SPIDR: variants seen among roughly 807,000 people sequenced by gnomAD.
SPIDR encodes scaffold protein involved in DNA repair, also known as DNA repair-scaffolding protein.
SPIDR carries 93 observed loss-of-function variants against 104.6 expected under a neutral mutation model. The observed-to-expected ratio is 0.89, with a 90% CI of 0.75 to 1.06. The LOEUF is 1.06. Among genes scored for constraint, SPIDR ranks in the 50% least tolerant of loss-of-function variants. The pLI is 0.00. For missense variants in SPIDR, 1,154 were observed against 1,111.2 expected (o/e 1.04, Z -0.55); for synonymous variants, 431 against 416.9 (o/e 1.03, Z -0.41).
At chr8:47,270,084 A>G (rs1485818523) in intron 1 of SPIDR, among the ~76,000 whole-genome samples, 2 of 152,274 alleles carry the variant, frequency 1.3e-5, no homozygotes, top group Admixed American at 6.5e-5. Flanking sequence ...TTTTGCATCT[A>G]TATTCATAAA....
Position 47,499,220 on chromosome 8 carries a change from G to C in SPIDR, c.1097+58678G>C, listed in dbSNP as rs564414198. ...GTACGTAACACATTGCTTGATGCAT[G>C]GTTCTTGGCTGTACTGCACTGACAT... On this transcript the variant is annotated intron_variant, in intron 8 of 19. Coordinates refer to ENST00000297423, the MANE Select transcript of SPIDR (RefSeq NM_001080394.4). Among the ~76,000 whole-genome samples, 7 of 152,286 alleles carry C rather than the reference G, an allele frequency of 4.6e-5. No homozygotes were observed. In the South Asian group the frequency reaches 1.5e-3, roughly 32 times the overall value.
At chr8:47,708,415 C>T (rs1230792755) in intron 14 of SPIDR, among the ~76,000 whole-genome samples, 2 of 152,140 alleles carry the variant, frequency 1.3e-5, no homozygotes, top group Non-Finnish European at 2.9e-5. Flanking sequence ...GAGGAAGGTA[C>T]AGAGATTTTC....
At chr8:47,552,355 A>G (rs928524023) in intron 8 of SPIDR, among the ~76,000 whole-genome samples, 5 of 152,136 alleles carry the variant, frequency 3.3e-5, no homozygotes, top group African/African-American at 1.2e-4. Flanking sequence ...TGATCTGTCT[A>G]ATATTTACAG....
intron 5 of SPIDR, among the ~76,000 whole-genome samples, chr8:47,330,292 T>G (rs2048437853): frequency 6.6e-6 from 1 of 152,144 alleles, no homozygotes; most frequent in Admixed American, 6.6e-5. Context: ...ATGCATAGCT[T>G]TCCTATTATC....
chr8:47,377,722 T>C (rs2058827986), intron 5 of SPIDR, among the ~76,000 whole-genome samples: 1 of 151,702 alleles, frequency 6.6e-6, no homozygotes. Context: ...GGTCAAGGTT[T>C]CAAGCATGCA....
Position 47,728,989 on chromosome 8 carries a change from G to A in SPIDR, c.2492G>A (p.Arg831Lys), listed in dbSNP as rs747603020. The A allele has an allele frequency of 6.2e-7, 1 of 1,613,990 alleles. No homozygotes were observed. The highest frequency in any genetic ancestry group is 8.5e-7 in the Non-Finnish European group (1 of 1,180,042). Reference sequence around the variant, plus strand: ...GTGGTCACATCTCCTGTTCTCAAGAGGCACCTGCAGGTCTTCCTGGACTGC... The same window carrying A: ...GTGGTCACATCTCCTGTTCTCAAGAAGCACCTGCAGGTCTTCCTGGACTGC... ...SRVVTSPVLK[R>K]HLQVFLDCRS... Residue 831 changes from arginine to lysine, a missense_variant, in exon 18 of 20, where the codon AGG becomes AAG. Coordinates refer to ENST00000297423, the MANE Select transcript of SPIDR (RefSeq NM_001080394.4).
At chr8:47,261,414 T>C (rs1240956436) in intron 1 of SPIDR, among the ~76,000 whole-genome samples, 1 of 152,116 alleles carries the variant, frequency 6.6e-6, no homozygotes, top group East Asian at 1.9e-4. Context: ...CCTGCCGCAC[T>C]CGGAGGGGAC....
chr8:47,698,936 A>G (rs552170332), intron 11 of SPIDR, among the ~76,000 whole-genome samples: 26 of 152,336 alleles, frequency 1.7e-4, no homozygotes, highest in Non-Finnish European at 2.8e-4. Flanking sequence ...TACACTTCGC[A>G]GAACACTTTT....
intron 8 of SPIDR, among the ~76,000 whole-genome samples, chr8:47,483,366 AG>A (rs1288242772): frequency 6.6e-6 from 1 of 152,212 alleles, no homozygotes; most frequent in Non-Finnish European, 1.5e-5. Flanking sequence ...TGGCAGCCCA[AG>A]AGGTAAGATA....
chr8:47,366,444 A>C (rs2057226752), intron 5 of SPIDR, among the ~76,000 whole-genome samples: 1 of 152,082 alleles, frequency 6.6e-6, no homozygotes, highest in Non-Finnish European at 1.5e-5. Flanking sequence ...AAGGCTGTGC[A>C]CAGACAGAAA....
intron 5 of SPIDR, among the ~76,000 whole-genome samples, chr8:47,294,740 C>G (rs1434603865): frequency 3.3e-5 from 5 of 152,222 alleles, no homozygotes; most frequent in African/African-American, 1.2e-4. Flanking sequence ...AAGTGATCCT[C>G]TCACCTCAGC....
intron 5 of SPIDR, among the ~76,000 whole-genome samples, chr8:47,341,067 C>T (rs1454314604): frequency 6.6e-6 from 1 of 152,170 alleles, no homozygotes; most frequent in Non-Finnish European, 1.5e-5. Context: ...GGGGGATGCC[C>T]GTTCCTGAGA....
chr8:47,618,732 A>G (rs971046069), intron 10 of SPIDR, among the ~76,000 whole-genome samples: 1 of 152,168 alleles, frequency 6.6e-6, no homozygotes, highest in African/African-American at 2.4e-5. Flanking sequence ...ATCGTTTTTT[A>G]GTTCCATTGG....
chr8:47,321,550 C>T (rs557080525), intron 5 of SPIDR, among the ~76,000 whole-genome samples: 1 of 152,268 alleles, frequency 6.6e-6, no homozygotes, highest in African/African-American at 2.4e-5. Context: ...GTGCGATCCC[C>T]ATCAAGCTAC....
chr8:47,342,162 T>C (rs1425243834), intron 5 of SPIDR, among the ~76,000 whole-genome samples: 1 of 152,016 alleles, frequency 6.6e-6, no homozygotes, highest in Non-Finnish European at 1.5e-5. Context: ...TTGTTTATCG[T>C]CATATGGAAT....
chr8:47,435,222 A>G (rs2068069458), intron 7 of SPIDR, among the ~76,000 whole-genome samples: 1 of 150,062 alleles, frequency 6.7e-6, no homozygotes, highest in Non-Finnish European at 1.5e-5. Context: ...CTGGTCTTGA[A>G]CTCCTGGCCT....
At chr8:47,652,496 C>G (rs1375620411) in intron 10 of SPIDR, among the ~76,000 whole-genome samples, 1 of 152,204 alleles carries the variant, frequency 6.6e-6, no homozygotes, top group Non-Finnish European at 1.5e-5. Context: ...TACCTGGGAA[C>G]CTTCCTTCTC....
intron 10 of SPIDR, among the ~76,000 whole-genome samples, chr8:47,608,153 C>A (rs894666079): frequency 6.6e-6 from 1 of 152,164 alleles, no homozygotes. Flanking sequence ...TACTTTTTGT[C>A]GCTACAGATT....
chr8:47,587,498 C>T (rs905399089), intron 8 of SPIDR, among the ~76,000 whole-genome samples: 4 of 151,348 alleles, frequency 2.6e-5, no homozygotes, highest in African/African-American at 4.9e-5. Flanking sequence ...CCCAGCTACC[C>T]GAGAGGCTGA....
Sources: allele counts gnomAD v4.1 joint callset (sites outside exome capture counted in the v4.1 genomes callset), GRCh38; gene constraint gnomAD v4.1.1; transcripts MANE v1.5; gene names NCBI Gene and HGNC (gene_info 2026-07-23, HGNC 2026-07-21).